LRP2: variants seen among roughly 807,000 people sequenced by gnomAD.
The protein encoded by LRP2 is LDL receptor related protein 2, also known as low-density lipoprotein receptor-related protein 2.
In LRP2, 172 loss-of-function variants were observed where a neutral mutation model predicts 531.0. That is an observed-to-expected ratio of 0.32 (90% confidence interval 0.29 to 0.37). The LOEUF is 0.37. Among genes scored for constraint, LRP2 ranks in the 10% least tolerant of loss-of-function variants. The pLI is 1.00. For synonymous variants in LRP2, 1,992 were observed against 2,027.6 expected (o/e 0.98, Z 0.47); for missense variants, 5,167 against 5,868.3 (o/e 0.88, Z 3.90).
Position 169,169,616 on chromosome 2 carries a change from T to C in LRP2, c.11497+86A>G, listed in dbSNP as rs75445612. On this transcript the variant is annotated intron_variant, in intron 60 of 78. Coordinates refer to ENST00000649046, the MANE Select transcript of LRP2 (RefSeq NM_004525.3). ...ACAGACAATACTTATGGCCTTTTAA[T>C]CTAAGAAGCGGCAGCGGACTGATGT... 2,170 of 999,252 alleles carry C rather than the reference T, an allele frequency of 2.2e-3. 35 individuals carry two copies. In the African/African-American group the frequency reaches 0.031, roughly 14 times the overall value. 61.9% of individuals were successfully genotyped at this position (999,252 alleles called of 1,614,324 possible).
chr2:169,354,384 A>G (rs773162926), intron 1 of LRP2, among the ~76,000 whole-genome samples: 6 of 152,250 alleles, frequency 3.9e-5, no homozygotes, highest in Non-Finnish European at 8.8e-5. Context: ...AGATCTGGAC[A>G]ATAAATGCGC....
At chr2:169,313,593 T>G (rs1235314778) in intron 3 of LRP2, among the ~76,000 whole-genome samples, 6 of 152,198 alleles carry the variant, frequency 3.9e-5, no homozygotes, top group African/African-American at 1.4e-4. Flanking sequence ...GAGGGGCACC[T>G]GGCCGTATCC....
chr2:169,259,433 C>T (rs1023604353), intron 16 of LRP2, among the ~76,000 whole-genome samples: 2 of 151,404 alleles, frequency 1.3e-5, no homozygotes, highest in African/African-American at 4.9e-5. Context: ...AACTTTGGAT[C>T]TCAAAGAGTA....
chr2:169,223,496 G>T (rs1313557153), intron 33 of LRP2, among the ~76,000 whole-genome samples: 1 of 152,190 alleles, frequency 6.6e-6, no homozygotes, highest in Non-Finnish European at 1.5e-5. Context: ...GGTAGTAAGG[G>T]TCTTAGGCAG....
At chr2:169,353,606 C>T (rs1685912502) in intron 1 of LRP2, among the ~76,000 whole-genome samples, 1 of 152,194 alleles carries the variant, frequency 6.6e-6, no homozygotes, top group Admixed American at 6.5e-5. Flanking sequence ...TATCACCCCC[C>T]TTCTAGTGAG....
intron 1 of LRP2, among the ~76,000 whole-genome samples, chr2:169,357,295 TTTTATTTTA>T (rs2105585893): frequency 3.4e-5 from 1 of 29,144 alleles, no homozygotes; most frequent in Non-Finnish European, 7.9e-5. Flanking sequence ...TTTATTTTTA[TTTTATTTTA>T]TTTTATTTTA....
Position 169,178,984 on chromosome 2 carries a change from GATTTATTTATTT to G in LRP2, c.10170-970_10170-959del, listed in dbSNP as rs3083236. ...AATGACCAGAAATTAGTCACCATCTGATTTATTTATTTATTTATTTATTTATTTATTTATTTA... is the reference window on the plus strand; with the variant it reads ...AATGACCAGAAATTAGTCACCATCTGATTTATTTATTTATTTATTTATTTA... On this transcript the variant is annotated intron_variant, in intron 52 of 78. Transcript: ENST00000649046. 2.2e-3 allele frequency among the ~76,000 whole-genome samples: 322 copies of G among 146,094 alleles called. 1 individual carries two copies. The highest frequency in any genetic ancestry group is 6.6e-3 in the African/African-American group (262 of 39,800).
chr2:169,353,020 C>A (rs1185905307), intron 1 of LRP2, among the ~76,000 whole-genome samples: 1 of 152,102 alleles, frequency 6.6e-6, no homozygotes, highest in South Asian at 2.1e-4. Context: ...GCATATGTAT[C>A]CCAGAACTGA....
At chr2:169,318,506 G>A (rs768068136) in intron 3 of LRP2, among the ~76,000 whole-genome samples, 7 of 152,180 alleles carry the variant, frequency 4.6e-5, no homozygotes, top group Non-Finnish European at 7.3e-5. Flanking sequence ...CCTTTCTTGA[G>A]CATAACATAA....
Position 169,294,844 on chromosome 2 carries a change from G to A in LRP2, c.428-134C>T, listed in dbSNP as rs2673173. ...ATGCATATATTGATACACAAAAGAA[G>A]TATGCTCCCTGGCTTCATGGAGAGT... On this transcript the variant is annotated intron_variant, in intron 4 of 78. Coordinates refer to ENST00000649046, the MANE Select transcript of LRP2 (RefSeq NM_004525.3). 650,336 of 652,660 alleles carry A rather than the reference G, an allele frequency of 1. 324,045 individuals carry two copies. The highest frequency in any genetic ancestry group is 1 in the East Asian group (36,866 of 36,866). The allele number at this position is 652,660 out of a possible 1,614,324, so 40.4% of individuals were successfully genotyped here. A position where few individuals can be genotyped will look rare whatever the true frequency, so the allele number is the denominator to read the frequency against.
chr2:169,275,466 C>A, intron 13 of LRP2: 1 of 522,898 alleles, frequency 1.9e-6, no homozygotes, highest in Non-Finnish European at 3.4e-6. Context: ...ACATTCCAGT[C>A]CCAGTCAATC....
Position 169,146,493 on chromosome 2 carries a change from T to C in LRP2, c.12811+246A>G, listed in dbSNP as rs1325959475. On this transcript the variant is annotated intron_variant, in intron 69 of 78. Coordinates refer to ENST00000649046, the MANE Select transcript of LRP2 (RefSeq NM_004525.3). ...CTAACAGGAAACTCAGTTATTTCAA[T>C]ATCTTCTGCTGAGAAGCATTTTTTT... Among the ~76,000 whole-genome samples, 3 of 152,184 alleles carry C rather than the reference T, an allele frequency of 2.0e-5. No individual in the cohort carries two copies. The East Asian group carries it at 5.8e-4, about 29-fold the overall frequency.
intron 43 of LRP2, among the ~76,000 whole-genome samples, chr2:169,202,550 A>G (rs1369068075): frequency 1.3e-5 from 2 of 152,242 alleles, no homozygotes. Context: ...TGCGATCACC[A>G]GGATGATGAT....
chr2:169,230,590 A>C (rs191957701), intron 31 of LRP2, among the ~76,000 whole-genome samples: 23 of 152,370 alleles, frequency 1.5e-4, no homozygotes, highest in African/African-American at 5.5e-4. Context: ...TGTCTACAGC[A>C]ATTTTCATCA....
chr2:169,145,586 A>T (rs985200553), intron 70 of LRP2, among the ~76,000 whole-genome samples, 161 bp downstream of exon 70: 1 of 152,168 alleles, frequency 6.6e-6, no homozygotes, highest in Non-Finnish European at 1.5e-5. Flanking sequence ...AATGGTTAAA[A>T]CGTTCCTCTC....
Position 169,207,147 on chromosome 2 carries a change from C to T in LRP2, c.6573G>A (p.Met2191Ile), listed in dbSNP as rs1483870379. The change falls in exon 39 of 79, where the codon ATG becomes ATA. Residue 2191 changes from methionine to isoleucine, a missense_variant. Coordinates refer to ENST00000649046, the MANE Select transcript of LRP2 (RefSeq NM_004525.3). The part of the protein sequence containing the change: ...RRVLLKVTVD[M>I]PRHIVVDPKN... ...TGGGATCTACAACAATATGCCTAGGCATGTCCACTGTGACTTTAAGAAGAA... is the reference window on the plus strand; with the variant it reads ...TGGGATCTACAACAATATGCCTAGGTATGTCCACTGTGACTTTAAGAAGAA... 3 of 1,613,256 alleles carry T rather than the reference C, an allele frequency of 1.9e-6. No individual in the cohort carries two copies. Among genetic ancestry groups the T allele is most frequent in the Non-Finnish European group, 2.5e-6 (3 of 1,179,652 alleles).
At chr2:169,338,384 GAAAGAAAGAAAGAAAGAAAGAAAGA>G (rs1316669893) in intron 1 of LRP2, among the ~76,000 whole-genome samples, 7 of 119,058 alleles carry the variant, frequency 5.9e-5, no homozygotes, top group African/African-American at 2.4e-4. Flanking sequence ...AAGAAAGAAA[GAAAGAAAGAAAGAAAGAAAGAAAGA>G]AAAGAAAAGA....
At chr2:169,157,528 A>G in intron 63 of LRP2, 26 bp from the exon 64 acceptor site, 2 of 1,610,882 alleles carry the variant, frequency 1.2e-6, no homozygotes, top group Non-Finnish European at 1.7e-6. Flanking sequence ...CCAGCATTAC[A>G]AACCAGATCA....
At chr2:169,139,465 T>C in intron 73 of LRP2, 78 bp downstream of exon 73, 1 of 1,612,780 alleles carries the variant, frequency 6.2e-7, no homozygotes, top group Non-Finnish European at 8.5e-7. Flanking sequence ...AAAGACTGGG[T>C]TAAGTAGAAA....
Sources: allele counts gnomAD v4.1 joint callset (sites outside exome capture counted in the v4.1 genomes callset), GRCh38; gene constraint gnomAD v4.1.1; transcripts MANE v1.5; gene names NCBI Gene and HGNC (gene_info 2026-07-23, HGNC 2026-07-21).